Variants in TKFC observed in about 807,000 individuals in gnomAD.
TKFC encodes the protein triokinase and FMN cyclase, also known as triokinase/FMN cyclase.
A neutral mutation model predicts 61.0 loss-of-function variants in TKFC; 46 were observed. The observed-to-expected ratio is 0.75, with a 90% CI of 0.60 to 0.96. The LOEUF is 0.96. TKFC is among the 50% of genes least tolerant of loss of function. The pLI is 0.00. For synonymous variants in TKFC, 314 were observed against 330.1 expected, an observed-to-expected ratio of 0.95 and a Z score of 0.53; for missense variants, 715 against 777.5, an observed-to-expected ratio of 0.92 and a Z score of 0.96.
At chr11:61,338,766 C>T (rs1173440033) in intron 3 of TKFC, among the ~76,000 whole-genome samples, 2 of 152,058 alleles carry the variant, frequency 1.3e-5, no homozygotes, top group Non-Finnish European at 2.9e-5. Context: ...CAAGTAAACA[C>T]GAAAGTAAAT....
chr11:61,350,769 T>C (rs1057117415), downstream of TKFC: 7 of 636,838 alleles, frequency 1.1e-5, no homozygotes, highest in Admixed American at 6.4e-5. Flanking sequence ...GGGGGGAAAT[T>C]CTGTCTCCCA....
Position 61,347,127 on chromosome 11 carries a change from G to A in TKFC, c.*624G>A. ...ACACACACCTGATGCATGTAAGAAT[G>A]GTAGAGGGGCTTTTCTTAGCATTGA... On this transcript the variant is annotated 3_prime_UTR_variant, in exon 18 of 18. Coordinates refer to ENST00000394900, the MANE Select transcript of TKFC (RefSeq NM_015533.4). The A allele has an allele frequency of 1.0e-6, 1 of 985,458 alleles. No individual in the cohort carries two copies. The highest frequency in any genetic ancestry group is 1.2e-6 in the Non-Finnish European group (1 of 829,970). The allele number at this position is 985,458 out of a possible 1,614,324, so 61.0% of individuals were successfully genotyped here.
rs534160354 is a variant in TKFC, at chr11:61,338,226, G to A, written c.193+96G>A. The A allele has an allele frequency of 3.2e-4, 398 of 1,256,136 alleles. 8 individuals are homozygous for A. The Admixed American group carries it at 0.012, about 39-fold the overall frequency. 77.8% of individuals were successfully genotyped at this position (1,256,136 alleles called of 1,614,324 possible). ...GCCATGAAGTGCAGGATGGAGCTCAGCCCAGAATCAGGAACTGGGGTACTT... is the reference window on the plus strand; with the variant it reads ...GCCATGAAGTGCAGGATGGAGCTCAACCCAGAATCAGGAACTGGGGTACTT... On this transcript the variant is annotated intron_variant, in intron 3 of 17. Transcript: ENST00000394900.
At chr11:61,344,645 T>C (rs1857030691) in intron 13 of TKFC, among the ~76,000 whole-genome samples, 1 of 152,194 alleles carries the variant, frequency 6.6e-6, no homozygotes. Flanking sequence ...ATTACAGGCA[T>C]GAGCCACCAC....
At chr11:61,341,347 A>G (rs761846795) in intron 5 of TKFC, 89 bp from the exon 6 acceptor site, 30 of 1,454,408 alleles carry the variant, frequency 2.1e-5, no homozygotes, top group Non-Finnish European at 2.7e-5. Flanking sequence ...CCCCCTTCCC[A>G]ACAAGAAATT....
In TKFC at chr11:61,347,345, C is replaced by A; in HGVS notation, c.*842C>A. 2.2e-6 allele frequency: 2 copies of A among 917,126 alleles called. No individual in the cohort carries two copies. Among genetic ancestry groups the A allele is most frequent in the Non-Finnish European group, 2.6e-6 (2 of 767,812 alleles). The allele number at this position is 917,126 out of a possible 1,614,324, so 56.8% of individuals were successfully genotyped here. On this transcript the variant is annotated 3_prime_UTR_variant, in exon 18 of 18. Coordinates refer to ENST00000394900, the MANE Select transcript of TKFC (RefSeq NM_015533.4). ...TCCCTTACACTCAGGAGTTCAAGAC[C>A]AGTCTGGGCAACATGGTAAAACCCT...
chr11:61,341,412 G>A (rs1033890876), intron 5 of TKFC, 24 bp from the exon 6 acceptor site: 9 of 1,551,844 alleles, frequency 5.8e-6, no homozygotes, highest in Non-Finnish European at 7.8e-6. Context: ...CCCCCCTGGG[G>A]CTTTTACCTC....
chr11:61,342,337 C>A, intron 7 of TKFC, 124 bp from the exon 8 acceptor site: 1 of 1,229,850 alleles, frequency 8.1e-7, no homozygotes, highest in Non-Finnish European at 1.2e-6. Flanking sequence ...ATTATTCTGT[C>A]CATTTCCATC....
intron 13 of TKFC, 67 bp downstream of exon 13, chr11:61,344,340 C>G (rs1300510954): frequency 6.6e-7 from 1 of 1,523,140 alleles, no homozygotes; most frequent in East Asian, 2.3e-5. Context: ...CACTTGTTTC[C>G]CTGAAGGCAG....
At chr11:61,344,022 C>T in intron 12 of TKFC, 47 bp downstream of exon 12, 1 of 1,602,856 alleles carries the variant, frequency 6.2e-7, no homozygotes. Context: ...CCAAAGGATG[C>T]AGGAGTATAC....
chr11:61,333,299 T>TGGCGGATGC lies in TKFC; in HGVS notation c.-136_-128dup, dbSNP rs1473530747. On this transcript the variant is annotated 5_prime_UTR_variant, in exon 1 of 18. In the 5' UTR this introduces an upstream ATG that the reference lacks. Transcript: ENST00000394900. ...CGGGAAGTCGCGGCGCCTTCGGATG[T>TGGCGGATGC]GGCGGATGCGGCCGTGAGCCGGCGG... 4.4e-6 allele frequency: 1 copy of TGGCGGATGC among 224,818 alleles called. No individual in the cohort carries two copies. The highest frequency in any genetic ancestry group is 8.7e-6 in the Non-Finnish European group (1 of 115,598). 13.9% of individuals were successfully genotyped at this position (224,818 alleles called of 1,614,324 possible).
rs940334495 is a variant in TKFC, at chr11:61,347,573, A to G, written c.*1070A>G. The G allele has an allele frequency of 7.1e-6, 7 of 983,508 alleles. No homozygotes were observed. The highest frequency in any genetic ancestry group is 4.7e-5 in the South Asian group (1 of 21,252). The allele number at this position is 983,508 out of a possible 1,614,324, so 60.9% of individuals were successfully genotyped here. A position where few individuals can be genotyped will look rare whatever the true frequency, so the allele number is the denominator to read the frequency against. ...AAAAAAAAAAAAAGAAACTGCAGCC[A>G]AGCCAGCCCCTAGGTCTCTTTCTAG... On this transcript the variant is annotated 3_prime_UTR_variant, in exon 18 of 18. Transcript: ENST00000394900.
At chr11:61,337,262 C>T (rs1031683250) in intron 2 of TKFC, among the ~76,000 whole-genome samples, 6 of 152,218 alleles carry the variant, frequency 3.9e-5, no homozygotes, top group Non-Finnish European at 8.8e-5. Context: ...CCTCCCACCT[C>T]AGCCTTCCGA....
chr11:61,351,264 C>A, downstream of TKFC: 620 of 605,310 alleles, frequency 1.0e-3, no homozygotes, highest in Non-Finnish European at 1.4e-3. Flanking sequence ...CATATGTGAT[C>A]TAGAATTTTA....
At chr11:61,345,996 A>G (rs778566559) in intron 17 of TKFC, 50 bp downstream of exon 17, 31 of 1,578,586 alleles carry the variant, frequency 2.0e-5, no homozygotes, top group Non-Finnish European at 2.5e-5. Flanking sequence ...TCTAGCCAGC[A>G]GACTCCTGTC....
Position 61,339,052 on chromosome 11 carries a change from C to CTTT in TKFC, c.194-14_194-13insTTT. On this transcript the variant is annotated splice_polypyrimidine_tract_variant and intron_variant, in intron 3 of 17. Transcript: ENST00000394900. ...TCCCACCCAGCATGCTCACTCCACT[C>CTTT]CTTCCACCTCCAGGTTTCATAGGGA... The CTTT allele has an allele frequency of 6.2e-7, 1 of 1,609,386 alleles. No homozygotes were observed. The highest frequency in any genetic ancestry group is 8.5e-7 in the Non-Finnish European group (1 of 1,177,344).
At chr11:61,342,089 C>A (rs999979447) in intron 7 of TKFC, among the ~76,000 whole-genome samples, 177 bp downstream of exon 7, 4 of 152,146 alleles carry the variant, frequency 2.6e-5, no homozygotes, top group Non-Finnish European at 4.4e-5. Context: ...GCTTTGCTGT[C>A]TATACCCACA....
Position 61,345,582 on chromosome 11 carries a change from T to C in TKFC, c.1451+17T>C, listed in dbSNP as rs1590579768. The C allele has an allele frequency of 6.2e-7, 1 of 1,612,482 alleles. No individual in the cohort carries two copies. Among genetic ancestry groups the C allele is most frequent in the African/African-American group, 1.3e-5 (1 of 75,056 alleles). Reference sequence around the variant, plus strand: ...CATGCAGAAGTGAGCCAGAGCCCTGTGCATCAGACCAGGGGTGGGCTGGGG... The same window carrying C: ...CATGCAGAAGTGAGCCAGAGCCCTGCGCATCAGACCAGGGGTGGGCTGGGG... On this transcript the variant is annotated intron_variant, in intron 15 of 17. Coordinates refer to ENST00000394900, the MANE Select transcript of TKFC (RefSeq NM_015533.4).
chr11:61,333,921 C>A (rs1476778569), intron 1 of TKFC: 1 of 152,268 alleles, frequency 6.6e-6, no homozygotes, highest in African/African-American at 2.4e-5. Context: ...CTAAGACCCT[C>A]CCCACAACCC....
Sources: allele counts gnomAD v4.1 joint callset (sites outside exome capture counted in the v4.1 genomes callset), GRCh38; gene constraint gnomAD v4.1.1; transcripts MANE v1.5; gene names NCBI Gene and HGNC (gene_info 2026-07-23, HGNC 2026-07-21).